PTGR1: variants seen among roughly 807,000 people sequenced by gnomAD.
The protein encoded by PTGR1 is prostaglandin reductase 1, also known as 15-oxoprostaglandin 13-reductase.
PTGR1 carries 23 observed loss-of-function variants against 37.7 expected under a neutral mutation model. The ratio of observed to expected loss-of-function variants is 0.61; its 90% confidence interval spans 0.44 to 0.86. PTGR1 has a LOEUF of 0.86. PTGR1 is among the 40% of genes least tolerant of loss of function. PTGR1 has a pLI of 0.00. For missense variants in PTGR1, 351 were observed against 394.3 expected (o/e 0.89, Z 0.93); for synonymous variants, 134 against 140.0 (o/e 0.96, Z 0.30).
chr9:111,591,504 G>A (rs551388542), intron 4 of PTGR1, among the ~76,000 whole-genome samples: 13 of 150,980 alleles, frequency 8.6e-5, no homozygotes, highest in Non-Finnish European at 1.2e-4. Flanking sequence ...CGAGTAGCTG[G>A]GATTACAGGC....
downstream of PTGR1, among the ~76,000 whole-genome samples, chr9:111,560,195 A>G (rs1391293290): frequency 2.0e-5 from 3 of 151,398 alleles, no homozygotes; most frequent in African/African-American, 7.3e-5. Context: ...AAATACAAAA[A>G]TCAGGCTGGG....
downstream of PTGR1, among the ~76,000 whole-genome samples, chr9:111,558,011 G>C (rs909908572): frequency 1.3e-5 from 2 of 152,136 alleles, no homozygotes; most frequent in African/African-American, 2.4e-5. Context: ...GCCAGGCATG[G>C]TGGTGCGCGC....
At chr9:111,595,145 A>G (rs1829740540) in intron 2 of PTGR1, among the ~76,000 whole-genome samples, 1 of 151,996 alleles carries the variant, frequency 6.6e-6, no homozygotes, top group Non-Finnish European at 1.5e-5. Flanking sequence ...ATGAGCCACC[A>G]TGCCCAGCCT....
intron 4 of PTGR1, among the ~76,000 whole-genome samples, chr9:111,586,382 CAT>C (rs1829429610): frequency 2.0e-5 from 3 of 152,142 alleles, no homozygotes; most frequent in Non-Finnish European, 4.4e-5. Flanking sequence ...AGGAGTGGCT[CAT>C]GGGGTGAGGA....
At position 111,592,880 on chromosome 9, in the gene PTGR1, A is replaced by G. The variant is rs1196594600; in HGVS notation, c.209+46T>C. 3 of 1,591,322 alleles carry G rather than the reference A, an allele frequency of 1.9e-6. No homozygotes were observed. In the South Asian group the frequency reaches 3.5e-5, roughly 19 times the overall value. ...AGAGACAGGACCCAGCAGGAGGTAAAGAGGAGACATATTTTCCAAGCACTG... is the reference window on the plus strand; with the variant it reads ...AGAGACAGGACCCAGCAGGAGGTAAGGAGGAGACATATTTTCCAAGCACTG... On this transcript the variant is annotated intron_variant, in intron 4 of 9. Transcript: ENST00000407693.
downstream of PTGR1, among the ~76,000 whole-genome samples, chr9:111,561,009 A>AGAGAG: frequency 1.2e-5 from 1 of 83,000 alleles, no homozygotes; most frequent in Non-Finnish European, 2.3e-5. Context: ...AGAGAGAGAG[A>AGAGAG]GAGAGAGAGG....
chr9:111,596,926 CAA>C (rs71494900), intron 2 of PTGR1, among the ~76,000 whole-genome samples: 125 of 90,642 alleles, frequency 1.4e-3, no homozygotes, highest in East Asian at 2.2e-3. Flanking sequence ...GACTCTGTCT[CAA>C]AAAAAAAAAA....
At chr9:111,568,325 T>G (rs74207627) in intron 9 of PTGR1, among the ~76,000 whole-genome samples, 1 of 152,024 alleles carries the variant, frequency 6.6e-6, no homozygotes, top group Non-Finnish European at 1.5e-5. Flanking sequence ...GTCTGTCTTA[T>G]GCATTTGAGA....
intron 9 of PTGR1, 64 bp downstream of exon 9, chr9:111,570,027 C>A (rs1342831527): frequency 1.2e-6 from 2 of 1,603,304 alleles, no homozygotes; most frequent in African/African-American, 2.7e-5. Flanking sequence ...GAACAAAAGC[C>A]TTGAGAGGCA....
intron 4 of PTGR1, chr9:111,592,176 TCTAA>T (rs1589320879): frequency 2.0e-5 from 3 of 152,230 alleles, no homozygotes; most frequent in Admixed American, 6.5e-5. Flanking sequence ...GAATTTCTGG[TCTAA>T]CTGATTGTCT....
intron 9 of PTGR1, among the ~76,000 whole-genome samples, chr9:111,566,014 C>T (rs529779406): frequency 1.8e-4 from 28 of 152,020 alleles, no homozygotes; most frequent in African/African-American, 6.5e-4. Context: ...GAGTTCAAGA[C>T]AAGCCTGGCC....
rs1203018894 is a variant in PTGR1, at chr9:111,570,113, T to G, written c.857A>C (p.Asp286Ala). The G allele has an allele frequency of 7.4e-6, 12 of 1,613,896 alleles. No homozygotes were observed. The highest frequency in any genetic ancestry group is 9.3e-6 in the Non-Finnish European group (11 of 1,179,996). The change falls in exon 9 of 10, where the codon GAC becomes GCC. Residue 286 changes from aspartate (D) to alanine (A), a missense_variant. Physicochemically the swap from Asp to Ala is moderately radical, Grantham distance 126 (BLOSUM62 -2). Transcript: ENST00000407693. The stretch of plus-strand genomic sequence containing the variant: ...TACCTCTAAGACCCATTTCAGCAAG[T>G]CCTTCAGAGCTTTTTGGCGGGCATC... ...QGDARQKALK[D>A]LLKWVLEGKI...
intron 7 of PTGR1, among the ~76,000 whole-genome samples, chr9:111,578,156 T>C (rs1829144040): frequency 6.6e-6 from 1 of 152,154 alleles, no homozygotes; most frequent in South Asian, 2.1e-4. Context: ...ACTTTCTTCA[T>C]GTACCCCAAA....
intron 9 of PTGR1, among the ~76,000 whole-genome samples, chr9:111,553,156 CTT>C (rs1828020677): frequency 6.6e-6 from 1 of 152,152 alleles, no homozygotes; most frequent in Non-Finnish European, 1.5e-5. Context: ...TAAATATTGT[CTT>C]AAGTATTATC....
At chr9:111,574,521 G>GT (rs1442395052) in intron 8 of PTGR1, 4 of 310,930 alleles carry the variant, frequency 1.3e-5, no homozygotes, top group South Asian at 9.5e-5. Flanking sequence ...GCTTATTTTT[G>GT]TATTTTTTGT....
At chr9:111,596,795 C>T (rs148034187) in intron 2 of PTGR1, among the ~76,000 whole-genome samples, 97 of 150,978 alleles carry the variant, frequency 6.4e-4, no homozygotes, top group Admixed American at 1.3e-3. Flanking sequence ...GGCATGGTGG[C>T]GCACACCTGT....
rs371349472 is a variant in PTGR1 at position 111,586,150 on chromosome 9, T to C, written c.225A>G (p.Lys75=). Residue 75 remains lysine (K), a synonymous_variant, in exon 5 of 10, where the codon AAA becomes AAG. Transcript: ENST00000407693. ...GQQVAKVVES[K]NVALPKGTIV... ...TAGTTCCTTTTGGTAGGGCTACATT[T>C]TTACTTTCCACAACTCTGAAAGATA... 26 of 1,613,940 alleles carry C rather than the reference T, an allele frequency of 1.6e-5. No individual in the cohort carries two copies. Among genetic ancestry groups the C allele is most frequent in the Non-Finnish European group, 2.2e-5 (26 of 1,179,954 alleles).
At position 111,586,001 on chromosome 9, in the gene PTGR1, G is replaced by C. The variant is rs754405943; in HGVS notation, c.374C>G (p.Pro125Arg). The part of the protein sequence containing the change: ...LSLALGTVGM[P>R]GLTAYFGLLE... ...GGAATATATCCATGAAACTCACCCT[G>C]GCATGCCAACTGTCCCCAGAGCCAA... is the stretch of plus-strand genomic sequence containing the variant. Residue 125 changes from proline to arginine, a missense_variant, in exon 5 of 10, where the codon CCA becomes CGA. Physicochemically the swap from Pro to Arg is moderately radical, Grantham distance 103. Coordinates refer to ENST00000407693, the MANE Select transcript of PTGR1 (RefSeq NM_001146108.2). 1 of 1,613,952 alleles carries C rather than the reference G, an allele frequency of 6.2e-7. No individual in the cohort carries two copies. The highest frequency in any genetic ancestry group is 8.5e-7 in the Non-Finnish European group (1 of 1,179,942).
downstream of PTGR1, among the ~76,000 whole-genome samples, chr9:111,560,374 TG>T (rs1370425522): frequency 6.7e-6 from 1 of 150,256 alleles, no homozygotes; most frequent in African/African-American, 2.5e-5. Flanking sequence ...CTCGGGAGGC[TG>T]AGGCAGGAGA....
Sources: gnomAD v4.1 joint callset for allele counts (sites outside exome capture counted in the v4.1 genomes callset) on GRCh38, gnomAD v4.1.1 for gene constraint, MANE v1.5 for transcripts, NCBI Gene and HGNC (gene_info 2026-07-23, HGNC 2026-07-21) for gene names.